The following SEMA5A variants were observed in gnomAD, a reference collection of about 807,000 sequenced individuals.
SEMA5A encodes the protein semaphorin-5A.
Under a neutral mutation model 135.5 loss-of-function variants are expected in SEMA5A, and 55 were observed. That is an observed-to-expected ratio of 0.41 (90% CI 0.33 to 0.51). The LOEUF (loss-of-function observed/expected upper bound fraction) is 0.51, where lower values mean the gene tolerates loss of function less well. Ranked by LOEUF, SEMA5A falls within the 20% of genes least tolerant of loss-of-function variation. The pLI is 0.37. For missense variants in SEMA5A, 1,290 were observed against 1,419.9 expected (o/e 0.91, Z 1.47); for synonymous variants, 580 against 546.5 (o/e 1.06, Z -0.85).
chr5:9,055,821 T>C (rs1362738499), intron 18 of SEMA5A, among the ~76,000 whole-genome samples: 1 of 151,992 alleles, frequency 6.6e-6, no homozygotes, highest in East Asian at 1.9e-4. Context: ...TATTTGATAC[T>C]GGCTGTAATA....
intron 1 of SEMA5A, among the ~76,000 whole-genome samples, chr5:9,505,172 C>G (rs894619086): frequency 1.2e-4 from 19 of 152,042 alleles, no homozygotes; most frequent in Non-Finnish European, 2.1e-4. Context: ...ATTTAGTATT[C>G]CTACAATGAT....
chr5:9,307,908 T>C (rs1751946092), intron 5 of SEMA5A, among the ~76,000 whole-genome samples: 1 of 70,538 alleles, frequency 1.4e-5, no homozygotes, highest in Non-Finnish European at 5.0e-5. Context: ...CTAACAAATA[T>C]ATTCATGCAT....
intron 5 of SEMA5A, among the ~76,000 whole-genome samples, chr5:9,277,737 T>A (rs1231366108): frequency 1.3e-5 from 2 of 152,106 alleles, no homozygotes; most frequent in African/African-American, 4.8e-5. Flanking sequence ...ACACCACATG[T>A]TCTCACTCAT....
At chr5:9,354,004 A>T (rs1754333381) in intron 3 of SEMA5A, among the ~76,000 whole-genome samples, 1 of 151,638 alleles carries the variant, frequency 6.6e-6, no homozygotes, top group Non-Finnish European at 1.5e-5. Flanking sequence ...AAAAGCTGAC[A>T]TTTATGGTTT....
rs543750972 is a variant in SEMA5A, at chr5:9,416,672, CCT to C, written c.-78+21082_-78+21083del. ...CACACAATGTCTTTATGAATTTGCC[CCT>C]GCTTTTAATTTAGTAAGAGACCTTC... On this transcript the variant is annotated intron_variant, in intron 2 of 22. Transcript: ENST00000382496. 9.2e-4 allele frequency among the ~76,000 whole-genome samples: 140 copies of C among 152,214 alleles called. 1 individual carries two copies. The highest frequency in any genetic ancestry group is 3.7e-3 in the South Asian group (18 of 4,822).
At chr5:9,343,674 T>C (rs1753745103) in intron 3 of SEMA5A, among the ~76,000 whole-genome samples, 1 of 152,044 alleles carries the variant, frequency 6.6e-6, no homozygotes, top group South Asian at 2.1e-4. Context: ...GCCAAAACTA[T>C]GATAGAAAAA....
intron 4 of SEMA5A, among the ~76,000 whole-genome samples, chr5:9,326,895 A>T (rs887527154): frequency 6.6e-6 from 1 of 152,258 alleles, no homozygotes; most frequent in African/African-American, 2.4e-5. Flanking sequence ...GTAAATTTAA[A>T]TATAATGATT....
At chr5:9,044,239 A>G in intron 22 of SEMA5A, 134 bp downstream of exon 22, 1 of 741,498 alleles carries the variant, frequency 1.3e-6, no homozygotes, top group Non-Finnish European at 2.3e-6. Context: ...AGGACTAAAG[A>G]TGTTTCTTAT....
chr5:9,414,179 C>G (rs1046424436), intron 2 of SEMA5A, among the ~76,000 whole-genome samples: 1 of 152,102 alleles, frequency 6.6e-6, no homozygotes, highest in African/African-American at 2.4e-5. Context: ...TTATTATAAT[C>G]ATCATATTTC....
At chr5:9,157,279 C>A (rs1743008289) in intron 11 of SEMA5A, among the ~76,000 whole-genome samples, 2 of 152,158 alleles carry the variant, frequency 1.3e-5, no homozygotes, top group Non-Finnish European at 2.9e-5. Context: ...CCTTCTCATC[C>A]CCTGTCCTCA....
intron 2 of SEMA5A, among the ~76,000 whole-genome samples, chr5:9,430,682 G>T (rs1055689989): frequency 1.3e-5 from 2 of 152,196 alleles, no homozygotes; most frequent in African/African-American, 4.8e-5. Context: ...TGATGACTGA[G>T]CCTCGACTGC....
At chr5:9,153,562 G>A (rs1742752877) in intron 12 of SEMA5A, among the ~76,000 whole-genome samples, 2 of 152,030 alleles carry the variant, frequency 1.3e-5, no homozygotes, top group African/African-American at 4.8e-5. Context: ...GCAGGCTCAG[G>A]AGAGAAGCAG....
chr5:9,484,072 C>T (rs1759984256), intron 1 of SEMA5A, among the ~76,000 whole-genome samples: 1 of 152,192 alleles, frequency 6.6e-6, no homozygotes. Flanking sequence ...CCTGCCACTT[C>T]ACAATAACAA....
At chr5:9,211,516 T>C (rs898953381) in intron 8 of SEMA5A, among the ~76,000 whole-genome samples, 2 of 152,148 alleles carry the variant, frequency 1.3e-5, no homozygotes, top group African/African-American at 4.8e-5. Flanking sequence ...GTGCTGTGCA[T>C]ACCCTTCCAA....
At chr5:9,164,318 A>AT (rs1345531796) in intron 11 of SEMA5A, among the ~76,000 whole-genome samples, 1 of 145,294 alleles carries the variant, frequency 6.9e-6, no homozygotes, top group East Asian at 2.0e-4. Context: ...TAATATAAAT[A>AT]TGTCAAGAGT....
intron 21 of SEMA5A, chr5:9,045,819 C>T (rs1736219485): frequency 6.6e-6 from 1 of 152,180 alleles, no homozygotes; most frequent in South Asian, 2.1e-4. Flanking sequence ...GAATACAAAG[C>T]ATTCAGAAAA....
At chr5:9,436,624 T>G (rs953614336) in intron 2 of SEMA5A, among the ~76,000 whole-genome samples, 1 of 152,214 alleles carries the variant, frequency 6.6e-6, no homozygotes, top group Non-Finnish European at 1.5e-5. Context: ...GCAAAGTGTT[T>G]TGTGAATGGG....
chr5:9,294,766 C>T (rs1751250816), intron 5 of SEMA5A, among the ~76,000 whole-genome samples: 1 of 152,148 alleles, frequency 6.6e-6, no homozygotes, highest in African/African-American at 2.4e-5. Flanking sequence ...GCCAATAATC[C>T]AGCCCCATTT....
At chr5:9,367,241 A>G (rs1214139714) in intron 3 of SEMA5A, 3 of 152,242 alleles carry the variant, frequency 2.0e-5, no homozygotes, top group African/African-American at 4.8e-5. Flanking sequence ...AATGGCTACC[A>G]TATTTGTCAA....
Sources: gnomAD v4.1 joint callset for allele counts (sites outside exome capture counted in the v4.1 genomes callset) on GRCh38, gnomAD v4.1.1 for gene constraint, MANE v1.5 for transcripts, NCBI Gene and HGNC (gene_info 2026-07-23, HGNC 2026-07-21) for gene names.